The following PIWIL2 variants were observed in gnomAD, a reference collection of about 807,000 sequenced individuals.
PIWIL2 encodes the protein piwi like RNA-mediated gene silencing 2, also known as piwi-like protein 2.
In PIWIL2, 81 loss-of-function variants were observed where a neutral mutation model predicts 116.5. That is an observed-to-expected ratio of 0.70 (90% CI 0.58 to 0.84). The LOEUF (loss-of-function observed/expected upper bound fraction) is 0.84, where lower values mean the gene tolerates loss of function less well. Ranked by LOEUF, PIWIL2 falls within the 40% of genes least tolerant of loss-of-function variation. The pLI, the probability that PIWIL2 is intolerant of heterozygous loss-of-function variation, is 0.00. For synonymous variants in PIWIL2, 489 were observed against 429.5 expected (o/e 1.14, Z -1.71); for missense variants, 1,272 against 1,212.3 (o/e 1.05, Z -0.73).
intron 20 of PIWIL2, among the ~76,000 whole-genome samples, chr8:22,320,257 G>A (rs1040667241): frequency 8.5e-5 from 11 of 129,962 alleles, no homozygotes; most frequent in South Asian, 5.3e-4. Context: ...TGCTGCGCCC[G>A]GCTTTTTTTT....
chr8:22,288,907 C>T (rs1484879092), intron 8 of PIWIL2, among the ~76,000 whole-genome samples: 1 of 152,136 alleles, frequency 6.6e-6, no homozygotes, highest in Non-Finnish European at 1.5e-5. Context: ...CGGGTTCCTC[C>T]AGTTGTGTTC....
chr8:22,349,884 A>G (rs1586601438), intron 20 of PIWIL2, among the ~76,000 whole-genome samples: 1 of 152,220 alleles, frequency 6.6e-6, no homozygotes, highest in Non-Finnish European at 1.5e-5. Flanking sequence ...ACTGTTTTGC[A>G]TTCTCTACTC....
intron 20 of PIWIL2, among the ~76,000 whole-genome samples, chr8:22,348,224 C>G (rs911209281): frequency 6.6e-6 from 1 of 151,518 alleles, no homozygotes; most frequent in Non-Finnish European, 1.5e-5. Flanking sequence ...CGCTTGAACC[C>G]GGGAGGCGGA....
intron 20 of PIWIL2, chr8:22,322,016 T>A (rs1831611009): frequency 1.0e-6 from 1 of 982,240 alleles, no homozygotes; most frequent in South Asian, 4.7e-5. Context: ...CCAAATACTG[T>A]TTTGGTTTTT....
chr8:22,320,075 G>A (rs1831559479), intron 20 of PIWIL2, among the ~76,000 whole-genome samples: 1 of 151,986 alleles, frequency 6.6e-6, no homozygotes, highest in African/African-American at 2.4e-5. Context: ...CGATTCTCCT[G>A]CCTCAGCCTC....
At chr8:22,334,772 T>G (rs1458104692) in intron 20 of PIWIL2, among the ~76,000 whole-genome samples, 1 of 151,826 alleles carries the variant, frequency 6.6e-6, no homozygotes, top group Non-Finnish European at 1.5e-5. Context: ...AGATGTTAAT[T>G]TTAGCCAGGT....
intron 20 of PIWIL2, among the ~76,000 whole-genome samples, chr8:22,346,057 T>C (rs1832220352): frequency 6.6e-6 from 1 of 152,016 alleles, no homozygotes; most frequent in Non-Finnish European, 1.5e-5. Flanking sequence ...TTTAATTGTA[T>C]AGTTTAAGTG....
chr8:22,297,582 G>A (rs1294027788), intron 10 of PIWIL2, among the ~76,000 whole-genome samples: 1 of 152,100 alleles, frequency 6.6e-6, no homozygotes, highest in Non-Finnish European at 1.5e-5. Flanking sequence ...AGAATGATAA[G>A]GCAGACTTTA....
At chr8:22,306,162 T>G in intron 13 of PIWIL2, 146 bp downstream of exon 13, 1 of 629,334 alleles carries the variant, frequency 1.6e-6, no homozygotes, top group Non-Finnish European at 2.9e-6. Context: ...AGCCTCCAGT[T>G]TTCTCCTCTG....
rs766524080 is a variant in PIWIL2 at position 22,314,368 on chromosome 8, G to C, written c.2030G>C (p.Arg677Pro). 2 of 1,582,958 alleles carry C rather than the reference G, an allele frequency of 1.3e-6. No homozygotes were observed. The highest frequency in any genetic ancestry group is 1.7e-6 in the Non-Finnish European group (2 of 1,162,430). The change falls in exon 17 of 23, where the codon CGT becomes CCT. Residue 677 changes from arginine to proline, a missense_variant. Arg to Pro is a moderately radical substitution (Grantham distance 103). Coordinates refer to ENST00000356766, the MANE Select transcript of PIWIL2 (RefSeq NM_018068.5). Reference protein sequence around the residue: ...QMVVCIIMGPRDDLYGAIKKL... With the variant: ...QMVVCIIMGPPDDLYGAIKKL... ...GTTGTTTGCATCATCATGGGCCCAC[G>C]TGATGATCTCTATGGGGCCATCAAG...
chr8:22,347,613 G>A (rs1355049892), intron 20 of PIWIL2, among the ~76,000 whole-genome samples: 1 of 142,758 alleles, frequency 7.0e-6, no homozygotes, highest in Admixed American at 7.5e-5. Flanking sequence ...TGCAGCCTCC[G>A]CCTCTCGGGT....
In PIWIL2 at chr8:22,305,911, C is replaced by G. The variant is rs149728916; in HGVS notation, c.1456-16C>G. 5 of 1,597,856 alleles carry G rather than the reference C, an allele frequency of 3.1e-6. 1 individual carries two copies. The Admixed American group carries it at 8.3e-5, about 27-fold the overall frequency. On this transcript the variant is annotated splice_polypyrimidine_tract_variant and intron_variant, in intron 12 of 22. Coordinates refer to ENST00000356766, the MANE Select transcript of PIWIL2 (RefSeq NM_018068.5). Reference sequence around the variant, plus strand: ...CTTGTACTGCCTTATTTTCCCTCTTCGTTCTCTCTTCAAAGCTGCTAAAAG... The same window carrying G: ...CTTGTACTGCCTTATTTTCCCTCTTGGTTCTCTCTTCAAAGCTGCTAAAAG...
Position 22,279,383 on chromosome 8 carries a change from G to A in PIWIL2, c.-4G>A, listed in dbSNP as rs201688054. 1.7e-4 allele frequency: 275 copies of A among 1,613,120 alleles called. No homozygotes were observed. The highest frequency in any genetic ancestry group is 2.2e-4 in the Admixed American group (13 of 59,998). On this transcript the variant is annotated 5_prime_UTR_variant, in exon 2 of 23. Coordinates refer to ENST00000356766, the MANE Select transcript of PIWIL2 (RefSeq NM_018068.5). ...GATCGACACGTGTTCTCTACAGCCC[G>A]TCCATGGATCCTTTCCGACCATCGT...
intron 20 of PIWIL2, among the ~76,000 whole-genome samples, chr8:22,348,701 A>G (rs1454088280): frequency 6.6e-6 from 1 of 152,204 alleles, no homozygotes; most frequent in African/African-American, 2.4e-5. Flanking sequence ...AGGCAGGAGG[A>G]TCGCTTGAGC....
chr8:22,351,477 A>G (rs1488667621), intron 20 of PIWIL2, among the ~76,000 whole-genome samples: 1 of 112,086 alleles, frequency 8.9e-6, no homozygotes, highest in African/African-American at 3.3e-5. Flanking sequence ...ATATATATAT[A>G]TATATAATTT....
chr8:22,332,695 A>C (rs1831889424), intron 20 of PIWIL2, among the ~76,000 whole-genome samples: 1 of 152,148 alleles, frequency 6.6e-6, no homozygotes, highest in African/African-American at 2.4e-5. Flanking sequence ...GCTACAAAGC[A>C]CTAAAAGAAA....
intron 5 of PIWIL2, 68 bp downstream of exon 5, chr8:22,283,308 T>A: frequency 2.4e-6 from 3 of 1,265,802 alleles, no homozygotes; most frequent in Non-Finnish European, 3.4e-6. Flanking sequence ...GGCTCGTGTG[T>A]AGTATTGTAA....
At chr8:22,346,890 T>G (rs1237839755) in intron 20 of PIWIL2, among the ~76,000 whole-genome samples, 1 of 151,346 alleles carries the variant, frequency 6.6e-6, no homozygotes, top group East Asian at 2.0e-4. Flanking sequence ...TAAGGAAAAT[T>G]TTTAGTTGGG....
At chr8:22,318,461 G>T (rs1462133024) in intron 20 of PIWIL2, among the ~76,000 whole-genome samples, 186 bp downstream of exon 20, 1 of 152,188 alleles carries the variant, frequency 6.6e-6, no homozygotes, top group African/African-American at 2.4e-5. Context: ...GGGATTACAG[G>T]CGTGCACCAG....
Sources: allele counts gnomAD v4.1 joint callset (sites outside exome capture counted in the v4.1 genomes callset), GRCh38; gene constraint gnomAD v4.1.1; transcripts MANE v1.5; gene names NCBI Gene and HGNC (gene_info 2026-07-23, HGNC 2026-07-21).